The following SLC8A1 variants were observed in gnomAD, a reference collection of about 807,000 sequenced individuals.
SLC8A1 encodes solute carrier family 8 member A1.
A neutral mutation model predicts 68.3 loss-of-function variants in SLC8A1; 18 were observed. The ratio of observed to expected loss-of-function variants is 0.26; its 90% CI spans 0.18 to 0.39. The LOEUF (loss-of-function observed/expected upper bound fraction) is 0.39. SLC8A1 is among the 10% of genes least tolerant of loss of function. The probability of loss-of-function intolerance (pLI) is 1.00; values close to 1 mark genes in which losing one functional copy is unlikely to be tolerated. For missense variants in SLC8A1, 985 were observed against 1,156.7 expected, an observed-to-expected ratio of 0.85 and a Z score of 2.15; for synonymous variants, 475 against 415.5, an observed-to-expected ratio of 1.14 and a Z score of -1.74.
At chr2:40,209,423 A>G (rs1025540077) in intron 2 of SLC8A1, among the ~76,000 whole-genome samples, 7 of 152,034 alleles carry the variant, frequency 4.6e-5, no homozygotes, top group African/African-American at 1.5e-4. Context: ...GGTGAGAGTT[A>G]AGAGTAGAGT....
intron 1 of SLC8A1, among the ~76,000 whole-genome samples, chr2:40,478,706 CTT>C (rs1293828070): frequency 6.6e-6 from 1 of 151,084 alleles, no homozygotes; most frequent in East Asian, 1.9e-4. Context: ...CTTTGATAGA[CTT>C]TCTGAAGGAA....
At chr2:40,314,704 C>T (rs1192574470) in intron 2 of SLC8A1, among the ~76,000 whole-genome samples, 1 of 151,944 alleles carries the variant, frequency 6.6e-6, no homozygotes, top group Non-Finnish European at 1.5e-5. Context: ...TTTCAGTGTA[C>T]AAGTCTTGCC....
At chr2:40,488,126 A>G (rs1705086863) in intron 1 of SLC8A1, among the ~76,000 whole-genome samples, 1 of 152,172 alleles carries the variant, frequency 6.6e-6, no homozygotes, top group Non-Finnish European at 1.5e-5. Flanking sequence ...GATAGACAGA[A>G]TACTAAAAGT....
At chr2:40,377,562 G>A (rs764313741) in intron 2 of SLC8A1, among the ~76,000 whole-genome samples, 1 of 151,474 alleles carries the variant, frequency 6.6e-6, no homozygotes, top group Non-Finnish European at 1.5e-5. Context: ...CCAACTCACA[G>A]CCCTAGAGCA....
chr2:40,345,312 G>C (rs1210336621), intron 2 of SLC8A1, among the ~76,000 whole-genome samples: 1 of 152,116 alleles, frequency 6.6e-6, no homozygotes, highest in Non-Finnish European at 1.5e-5. Flanking sequence ...AAACATGCTA[G>C]GAAAATGTTA....
chr2:40,311,849 G>T (rs374936989), intron 2 of SLC8A1, among the ~76,000 whole-genome samples: 1 of 151,868 alleles, frequency 6.6e-6, no homozygotes, highest in Non-Finnish European at 1.5e-5. Flanking sequence ...TTTTAGAATC[G>T]ATAACAAAAA....
At chr2:40,344,383 C>G (rs1203929528) in intron 2 of SLC8A1, among the ~76,000 whole-genome samples, 1 of 151,966 alleles carries the variant, frequency 6.6e-6, no homozygotes, top group Non-Finnish European at 1.5e-5. Context: ...AGAGATTTAG[C>G]CTAAACTTTT....
At chr2:40,157,316 C>T (rs767186524) in intron 6 of SLC8A1, among the ~76,000 whole-genome samples, 8 of 151,370 alleles carry the variant, frequency 5.3e-5, no homozygotes, top group Non-Finnish European at 8.8e-5. Context: ...TATGAGCAAA[C>T]TGAGATTCTG....
intron 1 of SLC8A1, among the ~76,000 whole-genome samples, chr2:40,477,586 T>C (rs540709692): frequency 6.6e-6 from 1 of 152,342 alleles, no homozygotes; most frequent in South Asian, 2.1e-4. Flanking sequence ...GCTTAGAAAG[T>C]TTTCCTTCCT....
Position 40,407,935 on chromosome 2 carries a change from C to T in SLC8A1, c.1808+20538G>A, listed in dbSNP as rs142531765. Among the ~76,000 whole-genome samples the T allele has an allele frequency of 3.9e-4, 59 of 152,324 alleles. 1 individual carries two copies. Among genetic ancestry groups the T allele is most frequent in the African/African-American group, 1.4e-3 (59 of 41,590 alleles). ...TGTGGATCTTCACTGGTGACTGTAA[C>T]TACTAACCAGTTTGCATTTATTCAC... On this transcript the variant is annotated intron_variant, in intron 2 of 7. Transcript: ENST00000406785.
intron 1 of SLC8A1, among the ~76,000 whole-genome samples, chr2:40,475,122 A>ATTAT (rs146647618): frequency 2.3e-3 from 348 of 152,004 alleles, no homozygotes; most frequent in East Asian, 0.012. Context: ...TGCTATAAAA[A>ATTAT]TTATTTATTT....
intron 2 of SLC8A1, among the ~76,000 whole-genome samples, chr2:40,297,027 T>A (rs1477994720): frequency 6.6e-6 from 1 of 151,958 alleles, no homozygotes; most frequent in Non-Finnish European, 1.5e-5. Flanking sequence ...CATGTGACTA[T>A]AATTAATTTT....
At chr2:40,150,097 T>C (rs1022588599) in intron 6 of SLC8A1, among the ~76,000 whole-genome samples, 1 of 147,174 alleles carries the variant, frequency 6.8e-6, no homozygotes, top group African/African-American at 2.5e-5. Context: ...GAATCACTGC[T>C]CCTTTCCAGC....
chr2:40,477,554 A>G (rs1334701913), intron 1 of SLC8A1, among the ~76,000 whole-genome samples: 1 of 152,180 alleles, frequency 6.6e-6, no homozygotes, highest in Non-Finnish European at 1.5e-5. Context: ...TGTTTTGCGG[A>G]AGGAAGACAA....
rs193054267 is a variant in SLC8A1, at chr2:40,187,407, T to G, written c.1809-9552A>C. Among the ~76,000 whole-genome samples the G allele has an allele frequency of 5.1e-4, 78 of 152,244 alleles. 2 individuals carry two copies. Among genetic ancestry groups the G allele is most frequent in the African/African-American group, 1.8e-3 (74 of 41,550 alleles). The stretch of plus-strand genomic sequence containing the variant: ...GGCCTTGTTGTCCGTGCCCTGATCT[T>G]TTGGTATTGTCAAATGGTTATTGAA... On this transcript the variant is annotated intron_variant, in intron 2 of 7. Coordinates refer to ENST00000406785, the Ensembl canonical transcript of SLC8A1.
At chr2:40,413,443 G>A (rs937794631) in intron 2 of SLC8A1, among the ~76,000 whole-genome samples, 2 of 152,152 alleles carry the variant, frequency 1.3e-5, no homozygotes, top group Non-Finnish European at 2.9e-5. Flanking sequence ...ATGAGTTCAT[G>A]TCCTTTGTAG....
intron 1 of SLC8A1, among the ~76,000 whole-genome samples, chr2:40,475,634 ATACAT>A (rs1704250641): frequency 2.6e-5 from 4 of 152,104 alleles, no homozygotes; most frequent in Non-Finnish European, 5.9e-5. Context: ...ACATGTACAC[ATACAT>A]GTACACATGC....
At chr2:40,281,728 T>C (rs978746876) in intron 2 of SLC8A1, among the ~76,000 whole-genome samples, 2 of 152,218 alleles carry the variant, frequency 1.3e-5, no homozygotes, top group African/African-American at 2.4e-5. Context: ...TTAAAACTGA[T>C]TTCTTTTTAA....
chr2:40,268,832 C>T (rs918036050), intron 2 of SLC8A1, among the ~76,000 whole-genome samples: 1 of 152,082 alleles, frequency 6.6e-6, no homozygotes, highest in African/African-American at 2.4e-5. Context: ...CAATAAAACA[C>T]ATAAAACAAA....
Sources: gnomAD v4.1 joint callset for allele counts (sites outside exome capture counted in the v4.1 genomes callset) on GRCh38, gnomAD v4.1.1 for gene constraint, MANE v1.5 for transcripts, NCBI Gene and HGNC (gene_info 2026-07-23, HGNC 2026-07-21) for gene names.